The following ACVR1 variants were observed in gnomAD, a reference collection of about 807,000 sequenced individuals.
ACVR1 encodes the protein activin A receptor type 1.
A neutral mutation model predicts 57.1 loss-of-function variants in ACVR1; 38 were observed. The ratio of observed to expected loss-of-function variants is 0.67; its 90% confidence interval spans 0.51 to 0.87. The LOEUF (loss-of-function observed/expected upper bound fraction) is 0.87, where lower values mean the gene tolerates loss of function less well. ACVR1 is among the 40% of genes least tolerant of loss of function. The pLI is 0.00. For missense variants in ACVR1, 463 were observed against 638.2 expected (o/e 0.73, Z 2.96); for synonymous variants, 212 against 228.1 (o/e 0.93, Z 0.63).
At chr2:157,821,099 C>G (rs1688146338) in intron 1 of ACVR1, among the ~76,000 whole-genome samples, 1 of 152,150 alleles carries the variant, frequency 6.6e-6, no homozygotes. Context: ...ACCCATCTCC[C>G]CACAAATACC....
At chr2:157,737,961 T>G (rs1316599470) in intron 10 of ACVR1, among the ~76,000 whole-genome samples, 1 of 152,198 alleles carries the variant, frequency 6.6e-6, no homozygotes, top group Non-Finnish European at 1.5e-5. Flanking sequence ...GCAGCAATAC[T>G]AACCTAGAGA....
intron 1 of ACVR1, among the ~76,000 whole-genome samples, chr2:157,825,408 G>C (rs1249118856): frequency 6.6e-6 from 1 of 152,130 alleles, no homozygotes; most frequent in Non-Finnish European, 1.5e-5. Context: ...CATCAGGCCA[G>C]GGGTCCCCAA....
chr2:157,752,428 G>C (rs1685240402), intron 9 of ACVR1, among the ~76,000 whole-genome samples: 1 of 152,238 alleles, frequency 6.6e-6, no homozygotes, highest in East Asian at 1.9e-4. Context: ...AATCACACTA[G>C]CTCACCCGCA....
intron 1 of ACVR1, among the ~76,000 whole-genome samples, chr2:157,844,136 T>TG (rs938238121): frequency 2.0e-5 from 3 of 152,180 alleles, no homozygotes; most frequent in African/African-American, 7.2e-5. Flanking sequence ...AAAGCAAGGC[T>TG]GGGGGCCGCC....
At chr2:157,821,351 C>A (rs62175462) in intron 1 of ACVR1, among the ~76,000 whole-genome samples, 1 of 151,988 alleles carries the variant, frequency 6.6e-6, no homozygotes, top group African/African-American at 2.4e-5. Flanking sequence ...CATGGTGAAA[C>A]CCTGTCTCTA....
intron 1 of ACVR1, among the ~76,000 whole-genome samples, chr2:157,842,834 G>C (rs1689021675): frequency 6.6e-6 from 1 of 152,172 alleles, no homozygotes; most frequent in South Asian, 2.1e-4. Flanking sequence ...GCAGGGGACT[G>C]TTCTAAGGTT....
intron 2 of ACVR1, among the ~76,000 whole-genome samples, chr2:157,801,030 C>T (rs753912336): frequency 9.5e-4 from 145 of 152,270 alleles, no homozygotes; most frequent in Non-Finnish European, 1.6e-3. Flanking sequence ...CTAGGGCAGT[C>T]TCCAGCACTG....
At chr2:157,742,845 T>C (rs1684831280) in intron 9 of ACVR1, among the ~76,000 whole-genome samples, 1 of 152,188 alleles carries the variant, frequency 6.6e-6, no homozygotes, top group Admixed American at 6.5e-5. Flanking sequence ...GCTTGACAGC[T>C]GCATGTGGGA....
At chr2:157,856,274 A>C (rs903299298) in intron 1 of ACVR1, among the ~76,000 whole-genome samples, 1 of 152,174 alleles carries the variant, frequency 6.6e-6, no homozygotes, top group Non-Finnish European at 1.5e-5. Flanking sequence ...CTGCTGTCTT[A>C]AAAGTGCCTC....
intron 3 of ACVR1, among the ~76,000 whole-genome samples, chr2:157,789,958 A>G (rs1214719726): frequency 6.6e-6 from 1 of 152,218 alleles, no homozygotes; most frequent in African/African-American, 2.4e-5. Flanking sequence ...AAGGAGAACA[A>G]TATGAAGTCT....
At chr2:157,800,101 T>C (rs1687267811) in intron 2 of ACVR1, among the ~76,000 whole-genome samples, 1 of 152,204 alleles carries the variant, frequency 6.6e-6, no homozygotes, top group South Asian at 2.1e-4. Flanking sequence ...TTAACAAGGA[T>C]AGACAACAAC....
At chr2:157,801,503 A>G (rs1687326423) in intron 2 of ACVR1, among the ~76,000 whole-genome samples, 1 of 152,190 alleles carries the variant, frequency 6.6e-6, no homozygotes, top group African/African-American at 2.4e-5. Flanking sequence ...CCACTTTACT[A>G]GAGAAAAGTA....
chr2:157,819,747 AG>A (rs11289366), intron 1 of ACVR1, among the ~76,000 whole-genome samples: 21,582 of 152,030 alleles, frequency 0.14, 4,503 homozygotes, highest in African/African-American at 0.46. Flanking sequence ...AGAGGAGGGG[AG>A]GCTCTAGATA....
In ACVR1 at chr2:157,780,685, C is replaced by T. The variant is rs1686482983; in HGVS notation, c.68-85G>A. On this transcript the variant is annotated intron_variant, in intron 3 of 10. Transcript: ENST00000434821. ...CACCTTCATTGAGGGAATGACCATT[C>T]CAAACACCTCTATCAACAGAAAGTC... 12 of 1,490,936 alleles carry T rather than the reference C, an allele frequency of 8.0e-6. No homozygotes were observed. The Admixed American group carries it at 9.7e-5, about 12-fold the overall frequency. The allele number at this position is 1,490,936 out of a possible 1,614,324, so 92.4% of individuals were successfully genotyped here.
intron 1 of ACVR1, among the ~76,000 whole-genome samples, chr2:157,823,835 T>C (rs1688238493): frequency 1.3e-5 from 2 of 152,132 alleles, no homozygotes; most frequent in Non-Finnish European, 2.9e-5. Context: ...GCCAGAAATA[T>C]AAAGTAAGGG....
intron 5 of ACVR1, among the ~76,000 whole-genome samples, chr2:157,776,669 C>T (rs964381455): frequency 6.6e-6 from 1 of 152,166 alleles, no homozygotes; most frequent in African/African-American, 2.4e-5. Context: ...CCATATCAGG[C>T]ACTACCAAAT....
intron 1 of ACVR1, among the ~76,000 whole-genome samples, chr2:157,833,046 G>A (rs1374830606): frequency 6.6e-6 from 1 of 152,134 alleles, no homozygotes; most frequent in Non-Finnish European, 1.5e-5. Context: ...AAAGGAATAT[G>A]TGTGTATAAA....
chr2:157,818,840 A>G (rs1372644219), intron 1 of ACVR1, among the ~76,000 whole-genome samples: 1 of 152,050 alleles, frequency 6.6e-6, no homozygotes, highest in Non-Finnish European at 1.5e-5. Flanking sequence ...GCACTTTGGG[A>G]GGCCGAGGCG....
intron 1 of ACVR1, among the ~76,000 whole-genome samples, chr2:157,856,336 C>T (rs1689533434): frequency 6.6e-6 from 1 of 152,220 alleles, no homozygotes; most frequent in Non-Finnish European, 1.5e-5. Context: ...CAACTATTCA[C>T]TCACTCAAAA....
Sources: gnomAD v4.1 joint callset for allele counts (sites outside exome capture counted in the v4.1 genomes callset) on GRCh38, gnomAD v4.1.1 for gene constraint, MANE v1.5 for transcripts, NCBI Gene and HGNC (gene_info 2026-07-23, HGNC 2026-07-21) for gene names.